The following EIPR1 variants were observed in gnomAD, a reference collection of about 807,000 sequenced individuals.
EIPR1 encodes EARP complex and GARP complex interacting protein 1, also known as EARP and GARP complex-interacting protein 1.
Under a neutral mutation model 48.1 loss-of-function variants are expected in EIPR1, and 25 were observed. The ratio of observed to expected loss-of-function variants is 0.52; its 90% CI spans 0.38 to 0.73. The LOEUF (loss-of-function observed/expected upper bound fraction) is 0.73, where lower values mean the gene tolerates loss of function less well. Ranked by LOEUF, EIPR1 falls within the 30% of genes least tolerant of loss-of-function variation. The probability of loss-of-function intolerance (pLI) is 0.00; values close to 1 mark genes in which losing one functional copy is unlikely to be tolerated. For synonymous variants in EIPR1, 204 were observed against 201.9 expected, an observed-to-expected ratio of 1.01 and a Z score of -0.09; for missense variants, 415 against 506.2, an observed-to-expected ratio of 0.82 and a Z score of 1.73.
intron 1 of EIPR1, among the ~76,000 whole-genome samples, chr2:3,376,760 A>G (rs912691640): frequency 1.3e-5 from 2 of 152,092 alleles, no homozygotes; most frequent in Non-Finnish European, 2.9e-5. Context: ...TTATGTATCA[A>G]GTATTTCATA....
At chr2:3,294,897 AG>A (rs1668494534) in intron 3 of EIPR1, among the ~76,000 whole-genome samples, 1 of 103,236 alleles carries the variant, frequency 9.7e-6, no homozygotes, top group Non-Finnish European at 1.9e-5. Context: ...CCCTCCATCC[AG>A]CCCATTCTCT....
intron 4 of EIPR1, among the ~76,000 whole-genome samples, chr2:3,233,000 C>A (rs984938839): frequency 6.6e-6 from 1 of 152,166 alleles, no homozygotes; most frequent in Admixed American, 6.6e-5. Flanking sequence ...ACACTGTAAA[C>A]GCAAAGTCAT....
intron 8 of EIPR1, among the ~76,000 whole-genome samples, chr2:3,191,950 G>A (rs979441147): frequency 6.6e-6 from 1 of 152,196 alleles, no homozygotes; most frequent in South Asian, 2.1e-4. Context: ...AGGTTGGCCT[G>A]GAGTCTCCGC....
At chr2:3,264,370 T>A (rs1224342285) in intron 3 of EIPR1, among the ~76,000 whole-genome samples, 1 of 152,242 alleles carries the variant, frequency 6.6e-6, no homozygotes, top group Non-Finnish European at 1.5e-5. Context: ...TATCCGTTCA[T>A]CCGGCTCATT....
intron 3 of EIPR1, among the ~76,000 whole-genome samples, chr2:3,264,873 G>C (rs1360670392): frequency 6.6e-6 from 1 of 152,076 alleles, no homozygotes; most frequent in Non-Finnish European, 1.5e-5. Context: ...TTTTAGTAGA[G>C]ACGGGGTTTC....
intron 2 of EIPR1, among the ~76,000 whole-genome samples, chr2:3,347,384 G>C (rs1221233516): frequency 6.6e-6 from 1 of 152,178 alleles, no homozygotes; most frequent in African/African-American, 2.4e-5. Flanking sequence ...TTCCCATGCT[G>C]TTCTCCTAAT....
At position 3,208,569 on chromosome 2, in the gene EIPR1, G is replaced by A. The variant is rs890384730; in HGVS notation, c.516+5580C>T. The A allele has an allele frequency of 2.6e-6, 4 of 1,550,058 alleles. No individual in the cohort carries two copies. In the African/African-American group the frequency reaches 4.1e-5, roughly 16 times the overall value. ...GAGAAATGACCATTTGTTGGGAAAA[G>A]TCCTTATTACCCTCTCCAAAGTGAG... On this transcript the variant is annotated intron_variant, in intron 5 of 8. Transcript: ENST00000382125.
intron 1 of EIPR1, among the ~76,000 whole-genome samples, chr2:3,365,795 G>A (rs916537400): frequency 1.4e-4 from 21 of 151,288 alleles, no homozygotes; most frequent in African/African-American, 4.9e-4. Context: ...GAGAGCACAG[G>A]GTTGGGGGTA....
At chr2:3,328,701 C>T (rs1223821195) in intron 3 of EIPR1, among the ~76,000 whole-genome samples, 10 of 137,726 alleles carry the variant, frequency 7.3e-5, no homozygotes, top group Non-Finnish European at 1.1e-4. Flanking sequence ...TCAGAGCCCA[C>T]CCACCACGCT....
chr2:3,241,558 A>C (rs1227611559), intron 4 of EIPR1, among the ~76,000 whole-genome samples: 1 of 152,224 alleles, frequency 6.6e-6, no homozygotes, highest in Non-Finnish European at 1.5e-5. Flanking sequence ...CTCCAAACTA[A>C]GACGTTTATT....
intron 4 of EIPR1, among the ~76,000 whole-genome samples, chr2:3,228,013 G>C (rs1666119823): frequency 6.6e-6 from 1 of 152,270 alleles, no homozygotes; most frequent in Admixed American, 6.5e-5. Flanking sequence ...CTCTGCTAGG[G>C]AGTTGGAGCC....
At chr2:3,284,147 G>A (rs370090376) in intron 3 of EIPR1, among the ~76,000 whole-genome samples, 6 of 151,510 alleles carry the variant, frequency 4.0e-5, no homozygotes, top group Non-Finnish European at 5.9e-5. Flanking sequence ...AGATGGGGCC[G>A]GAGGCCGCCC....
intron 3 of EIPR1, among the ~76,000 whole-genome samples, chr2:3,295,998 T>C (rs1298461173): frequency 1.5e-5 from 1 of 65,302 alleles, no homozygotes; most frequent in African/African-American, 6.2e-5. Context: ...ATCCAGCCCA[T>C]CCTCTCTCTA....
chr2:3,193,654 A>C (rs1280715413), intron 7 of EIPR1, among the ~76,000 whole-genome samples: 1 of 152,162 alleles, frequency 6.6e-6, no homozygotes, highest in Admixed American at 6.5e-5. Flanking sequence ...ATGTCACCTA[A>C]TTTACTTAAC....
At chr2:3,376,626 G>A (rs192485795) in intron 1 of EIPR1, among the ~76,000 whole-genome samples, 1 of 151,020 alleles carries the variant, frequency 6.6e-6, no homozygotes, top group African/African-American at 2.4e-5. Context: ...GGGAGGCGGA[G>A]GTTGCAGTGA....
chr2:3,233,045 G>A (rs1666291715), intron 4 of EIPR1, among the ~76,000 whole-genome samples: 1 of 152,156 alleles, frequency 6.6e-6, no homozygotes, highest in African/African-American at 2.4e-5. Flanking sequence ...CTTTAGAAAA[G>A]TAGAAGTCTC....
At chr2:3,371,438 A>T (rs548722032) in intron 1 of EIPR1, among the ~76,000 whole-genome samples, 2 of 152,216 alleles carry the variant, frequency 1.3e-5, no homozygotes, top group African/African-American at 4.8e-5. Context: ...CAGACTGGCA[A>T]ATTGGATAAA....
At chr2:3,237,961 G>A (rs1057488552) in intron 4 of EIPR1, among the ~76,000 whole-genome samples, 1 of 152,156 alleles carries the variant, frequency 6.6e-6, no homozygotes, top group African/African-American at 2.4e-5. Flanking sequence ...AATCCAAGGG[G>A]TGAAGGACAT....
At chr2:3,287,436 A>G (rs1471246840) in intron 3 of EIPR1, among the ~76,000 whole-genome samples, 11 of 127,070 alleles carry the variant, frequency 8.7e-5, no homozygotes, top group Non-Finnish European at 1.7e-5. Context: ...GCTCGTTCAC[A>G]ATCCAGAAAG....
Sources: gnomAD v4.1 joint callset for allele counts (sites outside exome capture counted in the v4.1 genomes callset) on GRCh38, gnomAD v4.1.1 for gene constraint, MANE v1.5 for transcripts, NCBI Gene and HGNC (gene_info 2026-07-23, HGNC 2026-07-21) for gene names.